The following TIAM1 variants were observed in gnomAD, a reference collection of about 807,000 sequenced individuals.
The protein encoded by TIAM1 is TIAM Rac1 associated GEF 1.
Under a neutral mutation model 163.5 loss-of-function variants are expected in TIAM1, and 65 were observed. The ratio of observed to expected loss-of-function variants is 0.40; its 90% CI spans 0.33 to 0.49. The LOEUF is 0.49. Among genes scored for constraint, TIAM1 ranks in the 20% least tolerant of loss-of-function variants. TIAM1 has a pLI of 0.77. For missense variants in TIAM1, 1,789 were observed against 2,044.7 expected (o/e 0.87, Z 2.41); for synonymous variants, 833 against 810.1 (o/e 1.03, Z -0.48).
chr21:31,457,291 C>G (rs1359407318), intron 2 of TIAM1, among the ~76,000 whole-genome samples: 2 of 152,154 alleles, frequency 1.3e-5, no homozygotes, highest in Non-Finnish European at 2.9e-5. Context: ...ATTGCTCTAC[C>G]ATTAGCCAAG....
chr21:31,396,192 T>C (rs1006241465), intron 2 of TIAM1, among the ~76,000 whole-genome samples: 2 of 152,160 alleles, frequency 1.3e-5, no homozygotes, highest in African/African-American at 4.8e-5. Flanking sequence ...TTGTTTGTGG[T>C]TCAACTTATG....
chr21:31,166,929 C>T (rs1036946712), intron 15 of TIAM1, among the ~76,000 whole-genome samples: 2 of 152,204 alleles, frequency 1.3e-5, no homozygotes, highest in African/African-American at 4.8e-5. Flanking sequence ...CTGACAGGGG[C>T]CCCCTTCACA....
chr21:31,376,766 C>A (rs937678028), intron 2 of TIAM1, among the ~76,000 whole-genome samples: 1 of 151,796 alleles, frequency 6.6e-6, no homozygotes, highest in African/African-American at 2.4e-5. Flanking sequence ...TCTGTAATAT[C>A]CTGGATGAAT....
intron 2 of TIAM1, among the ~76,000 whole-genome samples, chr21:31,449,888 G>A (rs1361573859): frequency 1.3e-5 from 2 of 152,172 alleles, no homozygotes; most frequent in Non-Finnish European, 2.9e-5. Flanking sequence ...TGTTCACACT[G>A]AGGCATAACT....
At chr21:31,165,511 C>T (rs1013751481) in intron 15 of TIAM1, among the ~76,000 whole-genome samples, 1 of 152,078 alleles carries the variant, frequency 6.6e-6, no homozygotes, top group South Asian at 2.1e-4. Context: ...AGGCAGCCGT[C>T]TGTAAGCCAG....
Position 31,152,677 on chromosome 21 carries a change from C to A in TIAM1, c.3325G>T (p.Val1109Leu). 1 of 1,614,186 alleles carries A rather than the reference C, an allele frequency of 6.2e-7. No homozygotes were observed. Among genetic ancestry groups the A allele is most frequent in the Admixed American group, 1.7e-5 (1 of 60,026 alleles). Residue 1109 changes from valine (V) to leucine (L), a missense_variant, in exon 19 of 28, where the codon GTA (valine) becomes TTA (leucine). Physicochemically the swap from Val to Leu is conservative, Grantham distance 32. This residue lies in a region of TIAM1 where 303 missense variants were observed against 321.3 expected (regional missense o/e 0.94). Transcript: ENST00000541036. ...LKTLEDGVRLVPDLEKLEKVD... is the reference protein window; with the variant it reads ...LKTLEDGVRLLPDLEKLEKVD... ...TTCTCAAGCTTTTCCAAATCAGGTA[C>A]CAGTCTCACTCCATCTTCTAGAGTT...
chr21:31,409,582 A>C (rs555999520), intron 2 of TIAM1, among the ~76,000 whole-genome samples: 30 of 152,222 alleles, frequency 2.0e-4, no homozygotes, highest in Non-Finnish European at 3.8e-4. Flanking sequence ...CTCCATGCTC[A>C]GCTCCACACA....
intron 6 of TIAM1, 45 bp from the exon 7 acceptor site, chr21:31,225,995 A>T: frequency 6.4e-7 from 1 of 1,552,894 alleles, no homozygotes; most frequent in Non-Finnish European, 8.8e-7. Context: ...ACCTCTTAGG[A>T]ACTTAAGAGA....
intron 17 of TIAM1, among the ~76,000 whole-genome samples, chr21:31,153,913 A>G (rs1335002322): frequency 6.6e-6 from 1 of 151,600 alleles, no homozygotes; most frequent in Non-Finnish European, 1.5e-5. Context: ...AAAACAGAAA[A>G]CGGGGCTGGG....
chr21:31,413,912 C>T lies in TIAM1; in HGVS notation c.-369+50071G>A, dbSNP rs62223379. Among the ~76,000 whole-genome samples the T allele has an allele frequency of 5.9e-3, 903 of 152,258 alleles. 4 individuals are homozygous for T. The highest frequency in any genetic ancestry group is 0.01 in the Non-Finnish European group (697 of 68,014). On this transcript the variant is annotated intron_variant, in intron 2 of 28. Transcript: ENST00000286827. ...CCCCCCGCAACACGAGCTGGGGTTA[C>T]GTCACCTGCACAAGGTCAACATCTG...
At chr21:31,368,809 G>A (rs1028148654) in intron 2 of TIAM1, among the ~76,000 whole-genome samples, 2 of 152,130 alleles carry the variant, frequency 1.3e-5, no homozygotes, top group African/African-American at 4.8e-5. Context: ...ACTCTCTTTA[G>A]TATAAAACTA....
intron 2 of TIAM1, among the ~76,000 whole-genome samples, chr21:31,328,522 C>A (rs753408827): frequency 1.5e-4 from 23 of 152,028 alleles, no homozygotes; most frequent in Non-Finnish European, 2.4e-4. Context: ...AGGCACACGG[C>A]ACCACGACTG....
chr21:31,410,569 G>A (rs1048938441), intron 2 of TIAM1, among the ~76,000 whole-genome samples: 1 of 152,112 alleles, frequency 6.6e-6, no homozygotes, highest in African/African-American at 2.4e-5. Flanking sequence ...GAGCAACTGT[G>A]TAAGAATGTG....
chr21:31,478,564 T>C (rs180843816), intron 1 of TIAM1, among the ~76,000 whole-genome samples: 23 of 152,312 alleles, frequency 1.5e-4, no homozygotes, highest in Admixed American at 5.2e-4. Flanking sequence ...CTGGAACATT[T>C]CAGTATTCAC....
intron 20 of TIAM1, among the ~76,000 whole-genome samples, chr21:31,146,005 G>A (rs2083089785): frequency 6.6e-6 from 1 of 152,042 alleles, no homozygotes; most frequent in Non-Finnish European, 1.5e-5. Context: ...TATGAAGTGT[G>A]GTAGGTTATA....
chr21:31,203,414 C>T (rs2086301994), intron 11 of TIAM1, among the ~76,000 whole-genome samples: 1 of 152,242 alleles, frequency 6.6e-6, no homozygotes, highest in Non-Finnish European at 1.5e-5. Context: ...TGGGCCACTG[C>T]TCCCGGCCCA....
intron 1 of TIAM1, among the ~76,000 whole-genome samples, chr21:31,528,307 G>A (rs2047853691): frequency 6.6e-6 from 1 of 151,970 alleles, no homozygotes; most frequent in Non-Finnish European, 1.5e-5. Context: ...TTGAGGCCAG[G>A]AGTCCAAGAC....
At chr21:31,152,063 G>A (rs113575302) in intron 19 of TIAM1, among the ~76,000 whole-genome samples, 16 of 108,058 alleles carry the variant, frequency 1.5e-4, no homozygotes, top group African/African-American at 5.5e-4. Context: ...ACGGAGCCTC[G>A]TTCTTGTCCC....
At chr21:31,170,456 A>G (rs1376928811) in intron 15 of TIAM1, among the ~76,000 whole-genome samples, 1 of 152,202 alleles carries the variant, frequency 6.6e-6, no homozygotes, top group African/African-American at 2.4e-5. Flanking sequence ...TGCAGACCAC[A>G]CTGGCAACAT....
Sources: gnomAD v4.1 joint callset for allele counts (sites outside exome capture counted in the v4.1 genomes callset) on GRCh38, gnomAD v4.1.1 for gene constraint, gnomAD v4.1.1 regional missense constraint, MANE v1.5 for transcripts, NCBI Gene and HGNC (gene_info 2026-07-23, HGNC 2026-07-21) for gene names.